Variants in ANXA8 observed in about 807,000 individuals in gnomAD.
ANXA8 encodes VAC-beta.
Under a neutral mutation model 26.8 loss-of-function variants are expected in ANXA8, and 9 were observed. The observed-to-expected ratio is 0.34, with a 90% CI of 0.20 to 0.59. The LOEUF is 0.59. Among genes scored for constraint, ANXA8 ranks in the 20% least tolerant of loss-of-function variants. The pLI is 0.84. For synonymous variants in ANXA8, 39 were observed against 94.8 expected (o/e 0.41, Z 3.42); for missense variants, 83 against 238.5 (o/e 0.35, Z 4.29).
At chr10:47,751,307 A>T in the ANXA8 span, 3 of 110,456 alleles carry the variant, frequency 2.7e-5, no homozygotes, top group Non-Finnish European at 1.8e-5. Flanking sequence ...AGGATTTTCC[A>T]TAGACAAGAT....
chr10:47,554,037 C>T, the ANXA8 span, among the ~76,000 whole-genome samples: 6 of 147,938 alleles, frequency 4.1e-5, no homozygotes, highest in Non-Finnish European at 7.4e-5. Context: ...TTTGGGAGGC[C>T]GAGGCAGGAG....
the ANXA8 span, among the ~76,000 whole-genome samples, chr10:47,548,641 A>G: frequency 6.9e-5 from 10 of 144,220 alleles, no homozygotes; most frequent in Non-Finnish European, 1.5e-5. Context: ...GTAAAAGATC[A>G]TAGAATATCA....
chr10:47,591,018 T>G, the ANXA8 span, among the ~76,000 whole-genome samples: 8 of 141,902 alleles, frequency 5.6e-5, no homozygotes, highest in Non-Finnish European at 1.2e-4. Context: ...AAACAAATTA[T>G]TACCACTCAG....
At chr10:47,647,136 G>A in the ANXA8 span, among the ~76,000 whole-genome samples, 1 of 152,252 alleles carries the variant, frequency 6.6e-6, no homozygotes, top group East Asian at 1.9e-4. Flanking sequence ...CTAGACATGT[G>A]ATTCTCTTTC....
At chr10:47,751,044 C>G in the ANXA8 span, 1 of 148,886 alleles carries the variant, frequency 6.7e-6, no homozygotes, top group Non-Finnish European at 1.5e-5. Flanking sequence ...TTTTTAACAG[C>G]TTGAGAATAT....
chr10:47,708,826 G>A, the ANXA8 span, among the ~76,000 whole-genome samples: 2 of 150,256 alleles, frequency 1.3e-5, no homozygotes. Flanking sequence ...ACTTTTTTTG[G>A]AATCTAAATA....
chr10:47,563,474 T>G, the ANXA8 span: 1 of 582,420 alleles, frequency 1.7e-6, no homozygotes, highest in East Asian at 3.0e-5. Flanking sequence ...GGACATAGCT[T>G]GGGTATAAAA....
the ANXA8 span, among the ~76,000 whole-genome samples, chr10:47,971,050 G>T: frequency 2.6e-5 from 4 of 151,400 alleles, no homozygotes; most frequent in African/African-American, 9.7e-5. Flanking sequence ...TATCAGCCAA[G>T]TTACTTGCCC....
At chr10:47,660,903 T>C in the ANXA8 span, among the ~76,000 whole-genome samples, 2 of 151,692 alleles carry the variant, frequency 1.3e-5, no homozygotes, top group Non-Finnish European at 2.9e-5. Flanking sequence ...TATTTTGGTA[T>C]CTAAAAAGTT....
the ANXA8 span, among the ~76,000 whole-genome samples, chr10:47,694,503 C>A: frequency 6.0e-5 from 9 of 150,026 alleles, no homozygotes; most frequent in Non-Finnish European, 1.3e-4. Context: ...TCACTGCAAC[C>A]TCTGCCTCCT....
At chr10:47,563,727 A>G in the ANXA8 span, 1 of 822,874 alleles carries the variant, frequency 1.2e-6, no homozygotes, top group Non-Finnish European at 2.2e-6. Context: ...AACTCTGGGG[A>G]AATATGTTTA....
At chr10:47,568,138 G>A in the ANXA8 span, 3 of 194,826 alleles carry the variant, frequency 1.5e-5, no homozygotes, top group African/African-American at 7.8e-5. Context: ...GGGTTCAGGC[G>A]ATTCTCCTTG....
chr10:47,560,733 TG>T, the ANXA8 span, among the ~76,000 whole-genome samples: 1 of 152,052 alleles, frequency 6.6e-6, no homozygotes, highest in African/African-American at 2.4e-5. Flanking sequence ...ACTATTTTCC[TG>T]GCTTAGTGTA....
the ANXA8 span, among the ~76,000 whole-genome samples, chr10:47,519,052 G>T: frequency 2.2e-5 from 3 of 135,290 alleles, 1 homozygote; most frequent in African/African-American, 8.8e-5. Flanking sequence ...GTTAACATGT[G>T]ACCCTTAATG....
At chr10:47,747,023 T>A in the ANXA8 span, among the ~76,000 whole-genome samples, 146 of 134,002 alleles carry the variant, frequency 1.1e-3, no homozygotes, top group African/African-American at 2.7e-3. Context: ...AAAACTTTTT[T>A]AAAAAGTTTT....
chr10:47,955,851 ATTT>A, the ANXA8 span, among the ~76,000 whole-genome samples: 3 of 142,006 alleles, frequency 2.1e-5, no homozygotes, highest in Admixed American at 7.0e-5. Context: ...TATCAACTTT[ATTT>A]TTTTAACTTT....
chr10:47,955,200 G>A, the ANXA8 span, among the ~76,000 whole-genome samples: 1 of 149,830 alleles, frequency 6.7e-6, no homozygotes, highest in Non-Finnish European at 1.5e-5. Context: ...TGTAAGACGC[G>A]ACTTGCTCCT....
chr10:47,744,074 G>A, the ANXA8 span, among the ~76,000 whole-genome samples: 16 of 148,836 alleles, frequency 1.1e-4, no homozygotes, highest in African/African-American at 4.0e-4. Context: ...GAGCGGAGGG[G>A]GAAGGGAGGA....
chr10:47,735,399 CT>C, the ANXA8 span, among the ~76,000 whole-genome samples: 91 of 143,424 alleles, frequency 6.3e-4, no homozygotes, highest in African/African-American at 1.4e-3. Context: ...CAGGCCGTTT[CT>C]TTTTTTTTTT....
Sources: gnomAD v4.1 joint callset for allele counts (sites outside exome capture counted in the v4.1 genomes callset) on GRCh38, gnomAD v4.1.1 for gene constraint, MANE v1.5 for transcripts, NCBI Gene and HGNC (gene_info 2026-07-23, HGNC 2026-07-21) for gene names.